MLLT3: variants seen among roughly 807,000 people sequenced by gnomAD.
The protein encoded by MLLT3 is protein AF-9.
In MLLT3, 4 loss-of-function variants were observed where a neutral mutation model predicts 53.2. The ratio of observed to expected loss-of-function variants is 0.08; its 90% CI spans 0.04 to 0.17. The LOEUF (loss-of-function observed/expected upper bound fraction) is 0.17, where lower values mean the gene tolerates loss of function less well. MLLT3 is among the 10% of genes least tolerant of loss of function. The probability of loss-of-function intolerance (pLI) is 1.00; values close to 1 mark genes in which losing one functional copy is unlikely to be tolerated. For missense variants in MLLT3, 569 were observed against 684.0 expected, an observed-to-expected ratio of 0.83 and a Z score of 1.87; for synonymous variants, 283 against 230.6, an observed-to-expected ratio of 1.23 and a Z score of -2.06.
At chr9:20,475,891 C>G (rs1824508519) in intron 2 of MLLT3, among the ~76,000 whole-genome samples, 1 of 152,116 alleles carries the variant, frequency 6.6e-6, no homozygotes, top group African/African-American at 2.4e-5. Flanking sequence ...TGTGTTATTT[C>G]AGTTAGCAAC....
chr9:20,617,315 G>A (rs902723821), intron 2 of MLLT3, among the ~76,000 whole-genome samples: 5 of 152,240 alleles, frequency 3.3e-5, no homozygotes. Context: ...ATGCAGTAAA[G>A]CTGGCCTCAT....
intron 2 of MLLT3, among the ~76,000 whole-genome samples, chr9:20,571,938 T>C (rs551884213): frequency 6.6e-6 from 1 of 152,294 alleles, no homozygotes; most frequent in African/African-American, 2.4e-5. Flanking sequence ...GAATGTACAT[T>C]AGTATAGCCA....
intron 2 of MLLT3, among the ~76,000 whole-genome samples, chr9:20,484,201 C>T (rs564722227): frequency 3.3e-5 from 5 of 152,002 alleles, no homozygotes; most frequent in South Asian, 2.1e-4. Flanking sequence ...CCAGTCAAGC[C>T]GGTAATGGAG....
chr9:20,500,212 G>T (rs114668040), intron 2 of MLLT3, among the ~76,000 whole-genome samples: 46 of 152,268 alleles, frequency 3.0e-4, no homozygotes, highest in African/African-American at 1.1e-3. Flanking sequence ...GCGGTGCAGG[G>T]CTAGCAGGGC....
intron 4 of MLLT3, chr9:20,418,466 C>T (rs1274751549): frequency 6.6e-6 from 1 of 152,158 alleles, no homozygotes; most frequent in African/African-American, 2.4e-5. Context: ...CACTTCAATC[C>T]CAAATCTAAC....
chr9:20,546,428 A>T (rs929872618), intron 2 of MLLT3, among the ~76,000 whole-genome samples: 7 of 152,122 alleles, frequency 4.6e-5, no homozygotes, highest in African/African-American at 1.7e-4. Context: ...CTGTAGTCCT[A>T]GCTACTCAGG....
intron 2 of MLLT3, among the ~76,000 whole-genome samples, chr9:20,568,435 C>T (rs930022937): frequency 6.6e-6 from 1 of 152,146 alleles, no homozygotes; most frequent in South Asian, 2.1e-4. Flanking sequence ...ATTCAGTATG[C>T]TTTTTGACAA....
Position 20,561,143 on chromosome 9 carries a change from G to A in MLLT3, c.193+59511C>T, listed in dbSNP as rs376874372. ...TACACATGCATGCACGCACACACACGCGTGTGTGCACAAGCACATGCATTT... is the reference window on the plus strand; with the variant it reads ...TACACATGCATGCACGCACACACACACGTGTGTGCACAAGCACATGCATTT... On this transcript the variant is annotated intron_variant, in intron 2 of 10. Coordinates refer to ENST00000380338, the MANE Select transcript of MLLT3 (RefSeq NM_004529.4). 7.2e-5 allele frequency among the ~76,000 whole-genome samples: 11 copies of A among 152,156 alleles called. No individual in the cohort carries two copies. In the South Asian group the frequency reaches 8.3e-4, roughly 11 times the overall value.
At chr9:20,572,195 C>T (rs140091402) in intron 2 of MLLT3, among the ~76,000 whole-genome samples, 3 of 152,108 alleles carry the variant, frequency 2.0e-5, no homozygotes, top group African/African-American at 7.2e-5. Context: ...ATGGTGGTTA[C>T]CAGGGGCAGG....
chr9:20,363,184 G>A (rs1367388125), intron 7 of MLLT3: 1 of 281,614 alleles, frequency 3.6e-6, no homozygotes, highest in Non-Finnish European at 6.6e-6. Context: ...AATGAAAACA[G>A]ACTTTAGTTC....
chr9:20,523,535 A>G (rs4443745), intron 2 of MLLT3, among the ~76,000 whole-genome samples: 79,714 of 152,026 alleles, frequency 0.52, 21,471 homozygotes, highest in East Asian at 0.69. Flanking sequence ...ATATTATTCA[A>G]CACTAAAAGG....
At chr9:20,400,404 A>G (rs1822426086) in intron 5 of MLLT3, among the ~76,000 whole-genome samples, 1 of 152,140 alleles carries the variant, frequency 6.6e-6, no homozygotes, top group Non-Finnish European at 1.5e-5. Flanking sequence ...AAAACTTACG[A>G]TATTTTGATT....
At chr9:20,573,937 T>G (rs1231533632) in intron 2 of MLLT3, among the ~76,000 whole-genome samples, 5 of 152,234 alleles carry the variant, frequency 3.3e-5, no homozygotes, top group Non-Finnish European at 7.3e-5. Context: ...TTTTGCTGTT[T>G]GGTTTCATTT....
chr9:20,414,694 C>G (rs58566757), intron 4 of MLLT3, among the ~76,000 whole-genome samples: 15,601 of 152,104 alleles, frequency 0.1, 1,682 homozygotes, highest in African/African-American at 0.26. Flanking sequence ...CATTTCAATT[C>G]AACAAATGTT....
At chr9:20,549,269 T>A (rs540590793) in intron 2 of MLLT3, among the ~76,000 whole-genome samples, 2 of 152,312 alleles carry the variant, frequency 1.3e-5, no homozygotes, top group East Asian at 3.9e-4. Context: ...ATAATTTGTG[T>A]GAGCCAAAAC....
At chr9:20,577,981 C>A (rs1377136419) in intron 2 of MLLT3, among the ~76,000 whole-genome samples, 1 of 152,204 alleles carries the variant, frequency 6.6e-6, no homozygotes, top group Non-Finnish European at 1.5e-5. Flanking sequence ...AGTATCAAAT[C>A]TCTCCCTGCT....
At chr9:20,365,781 T>C (rs757050031) in intron 5 of MLLT3, 37 bp from the exon 6 acceptor site, 22 of 1,605,742 alleles carry the variant, frequency 1.4e-5, no homozygotes, top group Non-Finnish European at 1.9e-5. Flanking sequence ...TCAATAAATT[T>C]ACGGGATACC....
intron 2 of MLLT3, among the ~76,000 whole-genome samples, chr9:20,601,273 T>G (rs1401442532): frequency 6.6e-6 from 1 of 152,196 alleles, no homozygotes; most frequent in East Asian, 1.9e-4. Context: ...AAAAGATGTC[T>G]CTGGCTTCCA....
At chr9:20,483,292 T>C (rs1300489721) in intron 2 of MLLT3, among the ~76,000 whole-genome samples, 1 of 151,928 alleles carries the variant, frequency 6.6e-6, no homozygotes, top group Non-Finnish European at 1.5e-5. Flanking sequence ...TGGAGTGCAG[T>C]GGTGCAGTCA....
Sources: allele counts gnomAD v4.1 joint callset (sites outside exome capture counted in the v4.1 genomes callset), GRCh38; gene constraint gnomAD v4.1.1; transcripts MANE v1.5; gene names NCBI Gene and HGNC (gene_info 2026-07-23, HGNC 2026-07-21).